Variants in AGPAT5 observed in about 807,000 individuals in gnomAD.
The protein encoded by AGPAT5 is 1-acylglycerol-3-phosphate O-acyltransferase 5, also known as 1-acyl-sn-glycerol-3-phosphate acyltransferase epsilon.
Under a neutral mutation model 45.6 loss-of-function variants are expected in AGPAT5, and 46 were observed. The observed-to-expected ratio is 1.01, with a 90% confidence interval of 0.80 to 1.29. AGPAT5 has a LOEUF of 1.29. AGPAT5 is among the 50% of genes most tolerant of loss of function. AGPAT5 has a pLI of 0.00. For synonymous variants in AGPAT5, 272 were observed against 167.0 expected (o/e 1.63, Z -4.85); for missense variants, 673 against 450.7 (o/e 1.49, Z -4.47).
chr8:6,754,332 A>G (rs1188024768), intron 6 of AGPAT5, among the ~76,000 whole-genome samples: 1 of 152,156 alleles, frequency 6.6e-6, no homozygotes, highest in Non-Finnish European at 1.5e-5. Context: ...CACAGTAATA[A>G]TTTTGGTTCT....
At chr8:6,719,208 C>T (rs1413714359) in intron 1 of AGPAT5, among the ~76,000 whole-genome samples, 1 of 152,110 alleles carries the variant, frequency 6.6e-6, no homozygotes, top group Non-Finnish European at 1.5e-5. Flanking sequence ...TTGGACAGAC[C>T]ACTTCCAACT....
rs1802008910 is a variant in AGPAT5, at chr8:6,760,664, T to C, written c.*3276T>C. On this transcript the variant is annotated 3_prime_UTR_variant, in exon 8 of 8. Coordinates refer to ENST00000285518, the MANE Select transcript of AGPAT5 (RefSeq NM_018361.5). ...CTACAATGCAATGTCGTTGTAGTTT[T>C]GCATGGCTTGCTTTATAAACAAGAT... 6.6e-6 allele frequency among the ~76,000 whole-genome samples: 1 copy of C among 152,252 alleles called. No individual in the cohort carries two copies. Among genetic ancestry groups the C allele is most frequent in the African/African-American group, 2.4e-5 (1 of 41,456 alleles).
In AGPAT5 at chr8:6,735,748, C is replaced by T. The variant is rs553663364; in HGVS notation, c.495+3098C>T. On this transcript the variant is annotated intron_variant, in intron 4 of 7. Coordinates refer to ENST00000285518, the MANE Select transcript of AGPAT5 (RefSeq NM_018361.5). Reference sequence around the variant, plus strand: ...AGCATTCTACATACTTAATGGAAGCCGCCTCCCATTTTTGGTTAATAAATT... The same window carrying T: ...AGCATTCTACATACTTAATGGAAGCTGCCTCCCATTTTTGGTTAATAAATT... Among the ~76,000 whole-genome samples, 58 of 151,968 alleles carry T rather than the reference C, an allele frequency of 3.8e-4. 1 individual carries two copies. Among genetic ancestry groups the T allele is most frequent in the Non-Finnish European group, 7.6e-4 (52 of 68,028 alleles).
rs561930664 is a variant in AGPAT5 at position 6,759,144 on chromosome 8, T to C, written c.*1756T>C. 23 of 152,314 alleles carry C rather than the reference T, an allele frequency of 1.5e-4. No individual in the cohort carries two copies. The highest frequency in any genetic ancestry group is 5.5e-4 in the African/African-American group (23 of 41,566). 9.4% of individuals were successfully genotyped at this position (152,314 alleles called of 1,614,324 possible). Reference sequence around the variant, plus strand: ...AAATTTCCTCATGCTGAATTGTAATTTTCTCTTACCTGTAAAGTAAAATTT... The same window carrying C: ...AAATTTCCTCATGCTGAATTGTAATCTTCTCTTACCTGTAAAGTAAAATTT... On this transcript the variant is annotated 3_prime_UTR_variant, in exon 8 of 8. Coordinates refer to ENST00000285518, the MANE Select transcript of AGPAT5 (RefSeq NM_018361.5).
chr8:6,739,419 G>C (rs568124671), intron 4 of AGPAT5, among the ~76,000 whole-genome samples: 34 of 152,070 alleles, frequency 2.2e-4, no homozygotes, highest in Non-Finnish European at 4.6e-4. Flanking sequence ...ATTCATGAAC[G>C]TAGCCTGCAT....
intron 1 of AGPAT5, among the ~76,000 whole-genome samples, chr8:6,720,966 G>C (rs78670362): frequency 6.6e-6 from 1 of 152,154 alleles, no homozygotes; most frequent in East Asian, 1.9e-4. Context: ...ACAGTTTTGC[G>C]TGTGAAGTAC....
chr8:6,712,835 G>A (rs1230516841), intron 1 of AGPAT5, among the ~76,000 whole-genome samples: 1 of 152,156 alleles, frequency 6.6e-6, no homozygotes, highest in Non-Finnish European at 1.5e-5. Flanking sequence ...AGCATGTTCT[G>A]TGAAGCTGAT....
chr8:6,734,846 G>A (rs778972908), intron 4 of AGPAT5, among the ~76,000 whole-genome samples: 3 of 151,950 alleles, frequency 2.0e-5, no homozygotes, highest in Admixed American at 6.6e-5. Flanking sequence ...CACAGCTTCA[G>A]GTTTCTGTAG....
At chr8:6,752,893 C>G (rs1175239579) in intron 6 of AGPAT5, among the ~76,000 whole-genome samples, 1 of 152,182 alleles carries the variant, frequency 6.6e-6, no homozygotes, top group Non-Finnish European at 1.5e-5. Context: ...TGACATTGAA[C>G]TGCTTTCCAC....
At chr8:6,733,140 AAAGT>A (rs1331002754) in intron 4 of AGPAT5, among the ~76,000 whole-genome samples, 1 of 152,252 alleles carries the variant, frequency 6.6e-6, no homozygotes, top group East Asian at 1.9e-4. Context: ...TTATTCCACA[AAAGT>A]GGGGAGAGTT....
intron 1 of AGPAT5, among the ~76,000 whole-genome samples, chr8:6,717,532 A>G (rs1018388187): frequency 6.6e-5 from 10 of 152,366 alleles, no homozygotes; most frequent in African/African-American, 2.2e-4. Flanking sequence ...GAAAGATGTC[A>G]CTTAAAAGAA....
chr8:6,747,320 A>G (rs1364582572), intron 5 of AGPAT5, among the ~76,000 whole-genome samples: 2 of 152,244 alleles, frequency 1.3e-5, no homozygotes, highest in Non-Finnish European at 2.9e-5. Context: ...ATCTTGAGTC[A>G]CCATGGGCAA....
At chr8:6,726,941 G>C (rs995189824) in intron 2 of AGPAT5, among the ~76,000 whole-genome samples, 3 of 152,174 alleles carry the variant, frequency 2.0e-5, no homozygotes, top group Non-Finnish European at 4.4e-5. Flanking sequence ...GTATATGACA[G>C]AGCCTTTTCC....
intron 6 of AGPAT5, among the ~76,000 whole-genome samples, chr8:6,748,422 G>T (rs959504866): frequency 6.6e-6 from 1 of 152,204 alleles, no homozygotes; most frequent in Non-Finnish European, 1.5e-5. Context: ...ACAGGGAAGT[G>T]TGTGGAGTTT....
chr8:6,755,557 GC>G (rs1801807344), intron 7 of AGPAT5, among the ~76,000 whole-genome samples: 1 of 152,204 alleles, frequency 6.6e-6, no homozygotes, highest in African/African-American at 2.4e-5. Flanking sequence ...GCGCAGAAAA[GC>G]AAGGGAGGGG....
chr8:6,760,916 A>G lies in AGPAT5; in HGVS notation c.*3528A>G, dbSNP rs1203075149. On this transcript the variant is annotated 3_prime_UTR_variant, in exon 8 of 8. Transcript: ENST00000285518. Reference sequence around the variant, plus strand: ...AATTTAAAACCTTCAACTATTATGAAGTGCTCGTCTGTACAATCGCTAATT... The same window carrying G: ...AATTTAAAACCTTCAACTATTATGAGGTGCTCGTCTGTACAATCGCTAATT... 6.6e-6 allele frequency among the ~76,000 whole-genome samples: 1 copy of G among 152,210 alleles called. No homozygotes were observed. The highest frequency in any genetic ancestry group is 1.5e-5 in the Non-Finnish European group (1 of 68,026).
intron 1 of AGPAT5, among the ~76,000 whole-genome samples, chr8:6,715,696 A>G (rs963695110): frequency 1.3e-5 from 2 of 152,202 alleles, no homozygotes; most frequent in Non-Finnish European, 1.5e-5. Context: ...CAAGGTATTC[A>G]TCTAGGAAAG....
intron 5 of AGPAT5, among the ~76,000 whole-genome samples, chr8:6,744,720 C>G (rs1284371660): frequency 6.6e-6 from 1 of 152,214 alleles, no homozygotes; most frequent in African/African-American, 2.4e-5. Context: ...CGCTCTAAAC[C>G]TGTGTTTTTG....
In AGPAT5 at chr8:6,760,557, A is replaced by G. The variant is rs115294098; in HGVS notation, c.*3169A>G. 0.011 allele frequency among the ~76,000 whole-genome samples: 1,626 copies of G among 152,342 alleles called. 25 individuals are homozygous for G. Among genetic ancestry groups the G allele is most frequent in the African/African-American group, 0.037 (1,556 of 41,574 alleles). On this transcript the variant is annotated 3_prime_UTR_variant, in exon 8 of 8. Coordinates refer to ENST00000285518, the MANE Select transcript of AGPAT5 (RefSeq NM_018361.5). ...GCAAGCGCATAGTAAAATAATTTTA[A>G]CCTTAATTTGTTTTTAGTAGTGTTT...
Sources: allele counts gnomAD v4.1 joint callset (sites outside exome capture counted in the v4.1 genomes callset), GRCh38; gene constraint gnomAD v4.1.1; transcripts MANE v1.5; gene names NCBI Gene and HGNC (gene_info 2026-07-23, HGNC 2026-07-21).